Variants in CEP350 observed in about 807,000 individuals in gnomAD.
CEP350 encodes centrosomal protein 350, also known as centrosome-associated protein 350.
A neutral mutation model predicts 331.8 loss-of-function variants in CEP350; 126 were observed. That is an observed-to-expected ratio of 0.38 (90% CI 0.33 to 0.44). CEP350 has a LOEUF of 0.44. CEP350 is among the 20% of genes least tolerant of loss of function. The pLI, the probability that CEP350 is intolerant of heterozygous loss-of-function variation, is 1.00. For synonymous variants in CEP350, 1,200 were observed against 1,259.5 expected, an observed-to-expected ratio of 0.95 and a Z score of 1.00; for missense variants, 3,406 against 3,634.6, an observed-to-expected ratio of 0.94 and a Z score of 1.62.
intron 26 of CEP350, among the ~76,000 whole-genome samples, chr1:180,062,891 C>G (rs1347058268): frequency 2.0e-5 from 3 of 152,218 alleles, no homozygotes; most frequent in African/African-American, 7.2e-5. Context: ...GACAAACATT[C>G]AAACCGTAGC....
At chr1:180,099,780 A>ATT (rs200255438) in intron 37 of CEP350, among the ~76,000 whole-genome samples, 1,279 of 119,364 alleles carry the variant, frequency 0.011, 27 homozygotes, top group African/African-American at 0.026. Flanking sequence ...GCCTTATTTG[A>ATT]TTTTTTTTTT....
At chr1:180,078,727 G>A in intron 29 of CEP350, 53 bp downstream of exon 29, 2 of 1,445,748 alleles carry the variant, frequency 1.4e-6, no homozygotes, top group South Asian at 1.3e-5. Context: ...AAAACTGAAA[G>A]GTATGTTAGC....
At chr1:180,091,848 A>G (rs891338382) in intron 33 of CEP350, among the ~76,000 whole-genome samples, 2 of 151,822 alleles carry the variant, frequency 1.3e-5, no homozygotes, top group Admixed American at 6.6e-5. Flanking sequence ...AAAAAATGTA[A>G]TTCAGTGAGA....
intron 1 of CEP350, among the ~76,000 whole-genome samples, chr1:179,979,055 A>G (rs1479970895): frequency 6.6e-6 from 1 of 152,154 alleles, no homozygotes; most frequent in African/African-American, 2.4e-5. Flanking sequence ...TCTTCAGTAT[A>G]CCGATATTCT....
At chr1:180,019,154 G>T (rs1655160113) in intron 11 of CEP350, among the ~76,000 whole-genome samples, 1 of 152,120 alleles carries the variant, frequency 6.6e-6, no homozygotes, top group Admixed American at 6.5e-5. Flanking sequence ...GCTGTTCCTG[G>T]CCTGTTCCTC....
intron 1 of CEP350, among the ~76,000 whole-genome samples, chr1:179,966,401 T>C (rs1326991266): frequency 2.0e-5 from 3 of 152,298 alleles, no homozygotes; most frequent in African/African-American, 7.2e-5. Context: ...TCATCATTTT[T>C]GTAAGCATTT....
chr1:180,003,349 AT>A, intron 7 of CEP350, 62 bp downstream of exon 7: 2 of 1,040,908 alleles, frequency 1.9e-6, no homozygotes, highest in South Asian at 1.6e-5. Flanking sequence ...AATTTATAAT[AT>A]TTACACATAA....
intron 1 of CEP350, among the ~76,000 whole-genome samples, chr1:179,956,270 T>C (rs1258121461): frequency 6.6e-6 from 1 of 152,202 alleles, no homozygotes; most frequent in African/African-American, 2.4e-5. Flanking sequence ...GAACTGTCAG[T>C]GCATTAAATT....
chr1:179,987,608 G>A (rs1030211192), intron 3 of CEP350, among the ~76,000 whole-genome samples: 6 of 151,314 alleles, frequency 4.0e-5, no homozygotes, highest in Admixed American at 4.0e-4. Context: ...TTAGGAATTA[G>A]GAGCACAAGC....
In CEP350 at chr1:180,113,301, C is replaced by G. The variant is rs1661541387; in HGVS notation, c.*2140C>G. ...TATAATGGGACTGTAGGTTGTTTTTCTACATCTTCATTATTTGGACCTAAA... is the reference window on the plus strand; with the variant it reads ...TATAATGGGACTGTAGGTTGTTTTTGTACATCTTCATTATTTGGACCTAAA... On this transcript the variant is annotated 3_prime_UTR_variant, in exon 38 of 38. Coordinates refer to ENST00000367607, the MANE Select transcript of CEP350 (RefSeq NM_014810.5). 6.6e-6 allele frequency: 1 copy of G among 151,864 alleles called. No homozygotes were observed. The highest frequency in any genetic ancestry group is 2.1e-4 in the South Asian group (1 of 4,812). 9.4% of individuals were successfully genotyped at this position (151,864 alleles called of 1,614,324 possible). A position where few individuals can be genotyped will look rare whatever the true frequency, so the allele number is the denominator to read the frequency against.
chr1:180,039,068 T>C (rs542000364), intron 17 of CEP350, among the ~76,000 whole-genome samples: 6 of 150,326 alleles, frequency 4.0e-5, no homozygotes, highest in Admixed American at 6.6e-5. Flanking sequence ...AATACAAAAA[T>C]TAGCCATCCA....
intron 37 of CEP350, among the ~76,000 whole-genome samples, chr1:180,108,497 C>G (rs1661278105): frequency 6.6e-6 from 1 of 151,280 alleles, no homozygotes; most frequent in Non-Finnish European, 1.5e-5. Context: ...GAGACTCTGT[C>G]TCAAAAAAAA....
At chr1:179,962,790 C>T (rs1373760359) in intron 1 of CEP350, among the ~76,000 whole-genome samples, 1 of 152,078 alleles carries the variant, frequency 6.6e-6, no homozygotes, top group Non-Finnish European at 1.5e-5. Flanking sequence ...CATACTAGTG[C>T]AGTGTCTTTT....
rs1276109855 is a variant in CEP350 at position 180,111,876 on chromosome 1, A to G, written c.*715A>G. The G allele has an allele frequency of 6.6e-6, 1 of 152,594 alleles. No individual in the cohort carries two copies. Among genetic ancestry groups the G allele is most frequent in the African/African-American group, 2.4e-5 (1 of 41,444 alleles). The allele number at this position is 152,594 out of a possible 1,614,324, so 9.5% of individuals were successfully genotyped here. A position where few individuals can be genotyped will look rare whatever the true frequency, so the allele number is the denominator to read the frequency against. The stretch of plus-strand genomic sequence containing the variant: ...ACTGAAGACTGGGCTCAAAGGACCA[A>G]TGCAGGGCTGGTTCTTTTACCCCTT... On this transcript the variant is annotated 3_prime_UTR_variant, in exon 38 of 38. Coordinates refer to ENST00000367607, the MANE Select transcript of CEP350 (RefSeq NM_014810.5).
At chr1:180,015,815 G>A (rs1654935860) in intron 10 of CEP350, 34 bp from the exon 11 acceptor site, 1 of 1,597,326 alleles carries the variant, frequency 6.3e-7, no homozygotes, top group Non-Finnish European at 8.5e-7. Context: ...CTTTGTGACA[G>A]AACTCATATA....
At chr1:180,052,526 C>T (rs1054221412) in intron 22 of CEP350, among the ~76,000 whole-genome samples, 37 of 152,146 alleles carry the variant, frequency 2.4e-4, no homozygotes, top group Admixed American at 1.8e-3. Context: ...AGGAACCAAA[C>T]TGAAAGAGCT....
intron 13 of CEP350, 78 bp from the exon 14 acceptor site, chr1:180,024,341 T>C (rs930456957): frequency 7.5e-7 from 1 of 1,331,994 alleles, no homozygotes; most frequent in African/African-American, 1.5e-5. Context: ...AGTGATTACA[T>C]AGATTTTTAA....
At chr1:180,022,393 G>A (rs1655384916) in intron 12 of CEP350, among the ~76,000 whole-genome samples, 1 of 152,144 alleles carries the variant, frequency 6.6e-6, no homozygotes, top group Non-Finnish European at 1.5e-5. Flanking sequence ...TGGGGGGTGG[G>A]AGATGAAGGT....
chr1:180,062,197 T>G, intron 25 of CEP350, 23 bp from the exon 26 acceptor site: 1 of 1,573,168 alleles, frequency 6.4e-7, no homozygotes, highest in Non-Finnish European at 8.6e-7. Flanking sequence ...TCTTAATCCC[T>G]CTCTTAACTC....
Sources: allele counts gnomAD v4.1 joint callset (sites outside exome capture counted in the v4.1 genomes callset), GRCh38; gene constraint gnomAD v4.1.1; transcripts MANE v1.5; gene names NCBI Gene and HGNC (gene_info 2026-07-23, HGNC 2026-07-21).